Variants in LRP12 observed in about 807,000 individuals in gnomAD.
LRP12 encodes the protein LDL receptor related protein 12.
LRP12 carries 14 observed loss-of-function variants against 66.0 expected under a neutral mutation model. The observed-to-expected ratio is 0.21, with a 90% CI of 0.14 to 0.33. The LOEUF is 0.33. LRP12 is among the 10% of genes least tolerant of loss of function. LRP12 has a pLI of 1.00. For synonymous variants in LRP12, 357 were observed against 359.1 expected (o/e 0.99, Z 0.07); for missense variants, 889 against 1,053.4 (o/e 0.84, Z 2.16).
At chr8:104,503,864 A>G (rs1810867427) in intron 3 of LRP12, among the ~76,000 whole-genome samples, 1 of 152,218 alleles carries the variant, frequency 6.6e-6, no homozygotes, top group Non-Finnish European at 1.5e-5. Context: ...GAATTCTACT[A>G]TAACCAGTAA....
intron 1 of LRP12, among the ~76,000 whole-genome samples, chr8:104,573,836 GA>G (rs532669860): frequency 5.9e-5 from 9 of 151,744 alleles, no homozygotes; most frequent in Admixed American, 2.0e-4. Flanking sequence ...TTACAGGAAG[GA>G]AAAAAAGAGG....
At chr8:104,510,611 G>A (rs970062225) in intron 2 of LRP12, among the ~76,000 whole-genome samples, 2 of 152,026 alleles carry the variant, frequency 1.3e-5, no homozygotes, top group Admixed American at 6.6e-5. Flanking sequence ...ATTCTAGAAC[G>A]TCTTATTTAA....
intron 1 of LRP12, among the ~76,000 whole-genome samples, chr8:104,548,163 T>TATATAA (rs1317711387): frequency 1.7e-5 from 1 of 59,038 alleles, no homozygotes; most frequent in African/African-American, 7.4e-5. Flanking sequence ...TTAATAATTA[T>TATATAA]TATATATAAT....
chr8:104,587,188 A>C (rs1812347004), intron 1 of LRP12, among the ~76,000 whole-genome samples: 1 of 152,228 alleles, frequency 6.6e-6, no homozygotes, highest in Non-Finnish European at 1.5e-5. Context: ...GACATCACAG[A>C]AATTCAATGC....
At chr8:104,544,795 G>A (rs73295155) in intron 1 of LRP12, among the ~76,000 whole-genome samples, 2,567 of 152,174 alleles carry the variant, frequency 0.017, 70 homozygotes, top group African/African-American at 0.058. Context: ...ACCCAATAGC[G>A]CTGATGGAGA....
chr8:104,516,915 T>A (rs1811078571), intron 2 of LRP12, among the ~76,000 whole-genome samples: 1 of 152,116 alleles, frequency 6.6e-6, no homozygotes, highest in Non-Finnish European at 1.5e-5. Context: ...GATGAAGAAC[T>A]GGGTTTTTTA....
chr8:104,518,446 C>T (rs1412373538), intron 2 of LRP12, among the ~76,000 whole-genome samples: 2 of 151,984 alleles, frequency 1.3e-5, no homozygotes, highest in African/African-American at 2.4e-5. Flanking sequence ...CAAACTGCTG[C>T]CCACTAACGA....
chr8:104,496,473 G>A (rs193143872), intron 5 of LRP12, among the ~76,000 whole-genome samples: 4 of 152,062 alleles, frequency 2.6e-5, no homozygotes, highest in East Asian at 3.9e-4. Flanking sequence ...ATTAGATTAC[G>A]TATTTTTGAC....
At chr8:104,550,816 T>C (rs1203885127) in intron 1 of LRP12, among the ~76,000 whole-genome samples, 1 of 152,188 alleles carries the variant, frequency 6.6e-6, no homozygotes, top group East Asian at 1.9e-4. Context: ...GCTGAATGTA[T>C]AAATAAATGA....
chr8:104,495,489 T>A (rs1229827273), intron 5 of LRP12: 1 of 285,030 alleles, frequency 3.5e-6, no homozygotes. Flanking sequence ...GGAGAAATAA[T>A]ACAAGATTTA....
chr8:104,550,840 C>A (rs1811714649), intron 1 of LRP12, among the ~76,000 whole-genome samples: 9 of 152,136 alleles, frequency 5.9e-5, no homozygotes, highest in Admixed American at 5.9e-4. Flanking sequence ...AGCTTGCAAA[C>A]TGGTTTTCCT....
At chr8:104,564,566 G>GGGCAGGGA (rs1311678963) in intron 1 of LRP12, among the ~76,000 whole-genome samples, 1 of 151,768 alleles carries the variant, frequency 6.6e-6, no homozygotes, top group East Asian at 1.9e-4. Context: ...GGAGTAATCA[G>GGGCAGGGA]GGGAGATAAG....
chr8:104,522,711 T>C (rs1811170315), intron 2 of LRP12, among the ~76,000 whole-genome samples: 1 of 152,188 alleles, frequency 6.6e-6, no homozygotes, highest in Non-Finnish European at 1.5e-5. Flanking sequence ...TTAACATCTG[T>C]TCCTATTAGC....
At chr8:104,574,903 T>C (rs1477814496) in intron 1 of LRP12, among the ~76,000 whole-genome samples, 2 of 152,182 alleles carry the variant, frequency 1.3e-5, no homozygotes, top group African/African-American at 2.4e-5. Flanking sequence ...GAGATGCTTC[T>C]AAGAAGGGCA....
intron 1 of LRP12, among the ~76,000 whole-genome samples, chr8:104,584,062 G>T (rs1363592383): frequency 2.0e-5 from 3 of 151,884 alleles, no homozygotes; most frequent in Admixed American, 6.6e-5. Context: ...ATTTGTATTT[G>T]CAGGATCTAA....
At chr8:104,491,586 A>G (rs1311621525) in intron 6 of LRP12, 47 bp from the exon 7 acceptor site, 7 of 1,166,762 alleles carry the variant, frequency 6.0e-6, no homozygotes, top group Non-Finnish European at 6.7e-6. Context: ...ACAAGGTACT[A>G]AGATAAAAAA....
At chr8:104,509,926 G>C (rs187811453) in intron 2 of LRP12, among the ~76,000 whole-genome samples, 12 of 152,244 alleles carry the variant, frequency 7.9e-5, no homozygotes, top group African/African-American at 2.9e-4. Context: ...ATTCACTGAG[G>C]GTCTTGAAGG....
chr8:104,507,171 G>C (rs1167708613), intron 3 of LRP12: 1 of 152,118 alleles, frequency 6.6e-6, no homozygotes, highest in Non-Finnish European at 1.5e-5. Context: ...TGTAAAACTT[G>C]TCTTTGTGTA....
Position 104,491,234 on chromosome 8 carries a change from A to G in LRP12, c.2019T>C (p.Ala673=), listed in dbSNP as rs1318438092. 20 of 1,613,850 alleles carry G rather than the reference A, an allele frequency of 1.2e-5. No homozygotes were observed. The highest frequency in any genetic ancestry group is 2.2e-5 in the East Asian group (1 of 44,872). Residue 673 remains alanine (A), a synonymous_variant, in exon 7 of 7, where the codon GCT becomes GCC. Coordinates refer to ENST00000276654, the MANE Select transcript of LRP12 (RefSeq NM_013437.5). ...TGGGAGGGACTTTTTGAGGCAAAGG[A>G]GCTGCAACCCCACCAGATGCTCCTG... ...DMAGASGGVA[A]PLPQKVPPTT...
Sources: gnomAD v4.1 joint callset for allele counts (sites outside exome capture counted in the v4.1 genomes callset) on GRCh38, gnomAD v4.1.1 for gene constraint, MANE v1.5 for transcripts, NCBI Gene and HGNC (gene_info 2026-07-23, HGNC 2026-07-21) for gene names.